The following TMEM116 variants were observed in gnomAD, a reference collection of about 807,000 sequenced individuals.
TMEM116 encodes the protein transmembrane protein 116.
A neutral mutation model predicts 44.3 loss-of-function variants in TMEM116; 38 were observed. The ratio of observed to expected loss-of-function variants is 0.86; its 90% CI spans 0.66 to 1.12. The LOEUF (loss-of-function observed/expected upper bound fraction) is 1.12. TMEM116 is among the 50% of genes most tolerant of loss of function. TMEM116 has a pLI of 0.00. For missense variants in TMEM116, 354 were observed against 401.7 expected (o/e 0.88, Z 1.01); for synonymous variants, 132 against 144.8 (o/e 0.91, Z 0.64).
intron 4 of TMEM116, among the ~76,000 whole-genome samples, chr12:111,966,035 G>A (rs1180389185): frequency 2.0e-5 from 3 of 150,794 alleles, no homozygotes; most frequent in African/African-American, 2.4e-5. Context: ...GGCCAGGCAC[G>A]GTGGCTCATG....
At chr12:111,974,014 A>G (rs1173518759) in intron 4 of TMEM116, among the ~76,000 whole-genome samples, 1 of 152,192 alleles carries the variant, frequency 6.6e-6, no homozygotes, top group Non-Finnish European at 1.5e-5. Flanking sequence ...AGTTGTTTCA[A>G]CATTCAAAAG....
intron 4 of TMEM116, among the ~76,000 whole-genome samples, chr12:111,975,422 C>T (rs917252476): frequency 1.3e-5 from 2 of 151,986 alleles, no homozygotes; most frequent in Non-Finnish European, 2.9e-5. Flanking sequence ...TCCCAAAGTA[C>T]TGGGATTACA....
chr12:111,956,928 C>T (rs911607397), intron 4 of TMEM116, among the ~76,000 whole-genome samples: 4 of 152,286 alleles, frequency 2.6e-5, no homozygotes, highest in South Asian at 2.1e-4. Context: ...TCTGCCTGGC[C>T]GCCACCCCGT....
chr12:111,993,887 A>G, intron 3 of TMEM116: 1 of 736,844 alleles, frequency 1.4e-6, no homozygotes, highest in Middle Eastern at 2.7e-4. Context: ...CAAGTCCTCC[A>G]GAGACTTGGA....
chr12:112,002,564 CAAA>C (rs11318946), intron 3 of TMEM116, among the ~76,000 whole-genome samples: 5 of 107,412 alleles, frequency 4.7e-5, no homozygotes, highest in Admixed American at 1.1e-4. Context: ...GACTCCATCT[CAAA>C]AAAAAAAAAA....
chr12:111,934,113 T>C, intron 8 of TMEM116, 83 bp from the exon 9 acceptor site: 1 of 1,454,496 alleles, frequency 6.9e-7, no homozygotes. Context: ...TTTAAAAAGA[T>C]TATTCTCTTA....
chr12:111,945,868 C>T (rs1193723275), intron 4 of TMEM116, among the ~76,000 whole-genome samples: 1 of 152,026 alleles, frequency 6.6e-6, no homozygotes, highest in Non-Finnish European at 1.5e-5. Flanking sequence ...ACCCATACAC[C>T]CATTCTGTTT....
intron 5 of TMEM116, among the ~76,000 whole-genome samples, chr12:111,942,394 T>A (rs948490034): frequency 6.6e-6 from 1 of 152,168 alleles, no homozygotes; most frequent in Non-Finnish European, 1.5e-5. Flanking sequence ...TGCCTCAGCC[T>A]CCTGAGTAGC....
intron 5 of TMEM116, among the ~76,000 whole-genome samples, chr12:111,941,173 C>T (rs1189506852): frequency 5.9e-5 from 9 of 151,970 alleles, no homozygotes; most frequent in African/African-American, 1.7e-4. Flanking sequence ...GTCAGAAGAT[C>T]GAGACCATCC....
intron 4 of TMEM116, among the ~76,000 whole-genome samples, chr12:111,962,834 G>A (rs1338530402): frequency 6.6e-6 from 1 of 152,142 alleles, no homozygotes; most frequent in African/African-American, 2.4e-5. Context: ...TTAAACTAAA[G>A]AGCTTCTGCA....
At chr12:112,009,351 G>A (rs1252726434) in intron 1 of TMEM116, among the ~76,000 whole-genome samples, 1 of 152,044 alleles carries the variant, frequency 6.6e-6, no homozygotes, top group Non-Finnish European at 1.5e-5. Flanking sequence ...ATGTAAAAAT[G>A]GGAAACTTGC....
chr12:111,969,574 A>T (rs1440245544), intron 4 of TMEM116, among the ~76,000 whole-genome samples: 3 of 149,084 alleles, frequency 2.0e-5, no homozygotes, highest in Admixed American at 2.0e-4. Context: ...TACCCGGCTA[A>T]TTTTTCTGTT....
At chr12:111,982,591 G>A (rs1206788744) in intron 4 of TMEM116, among the ~76,000 whole-genome samples, 10 of 152,156 alleles carry the variant, frequency 6.6e-5, no homozygotes, top group African/African-American at 2.2e-4. Flanking sequence ...ATGAGCCACC[G>A]TGCCTGGCCA....
At chr12:111,975,414 C>T (rs556633518) in intron 4 of TMEM116, among the ~76,000 whole-genome samples, 1 of 152,160 alleles carries the variant, frequency 6.6e-6, no homozygotes, top group Non-Finnish European at 1.5e-5. Context: ...CCTCAGCCTC[C>T]CAAAGTACTG....
At chr12:111,934,147 C>A in intron 8 of TMEM116, 117 bp from the exon 9 acceptor site, 1 of 1,194,502 alleles carries the variant, frequency 8.4e-7, no homozygotes, top group East Asian at 2.6e-5. Context: ...GGAACGACCC[C>A]ATTCTCTTGT....
chr12:111,973,697 A>T (rs7966379), intron 4 of TMEM116, among the ~76,000 whole-genome samples: 10,554 of 152,186 alleles, frequency 0.069, 1,205 homozygotes, highest in African/African-American at 0.24. Flanking sequence ...CCCACCTGTA[A>T]TCCCAGCACT....
chr12:111,953,685 C>A (rs896595289), intron 4 of TMEM116, among the ~76,000 whole-genome samples: 57 of 152,186 alleles, frequency 3.7e-4, no homozygotes, highest in African/African-American at 1.3e-3. Flanking sequence ...ATAACAATTA[C>A]GTAATCCTCC....
intron 3 of TMEM116, among the ~76,000 whole-genome samples, chr12:112,002,406 A>T (rs927967055): frequency 5.3e-5 from 8 of 151,356 alleles, no homozygotes; most frequent in African/African-American, 1.7e-4. Context: ...AAAAAAAAAA[A>T]AAAAAAAAAT....
intron 4 of TMEM116, among the ~76,000 whole-genome samples, chr12:111,957,864 T>G (rs2074268923): frequency 6.6e-6 from 1 of 152,146 alleles, no homozygotes; most frequent in Non-Finnish European, 1.5e-5. Context: ...GAAAGAGAGA[T>G]CAGATTGTTA....
Sources: gnomAD v4.1 joint callset for allele counts (sites outside exome capture counted in the v4.1 genomes callset) on GRCh38, gnomAD v4.1.1 for gene constraint, MANE v1.5 for transcripts, NCBI Gene and HGNC (gene_info 2026-07-23, HGNC 2026-07-21) for gene names.